The following CCDC180 variants were observed in gnomAD, a reference collection of about 807,000 sequenced individuals.
CCDC180 encodes the protein coiled-coil domain-containing protein 180.
Under a neutral mutation model 209.2 loss-of-function variants are expected in CCDC180, and 154 were observed. The ratio of observed to expected loss-of-function variants is 0.74; its 90% CI spans 0.65 to 0.84. The LOEUF (loss-of-function observed/expected upper bound fraction) is 0.84, where lower values mean the gene tolerates loss of function less well. Ranked by LOEUF, CCDC180 falls within the 40% of genes least tolerant of loss-of-function variation. CCDC180 has a pLI of 0.00. For synonymous variants in CCDC180, 778 were observed against 749.1 expected, an observed-to-expected ratio of 1.04 and a Z score of -0.63; for missense variants, 1,874 against 1,997.3, an observed-to-expected ratio of 0.94 and a Z score of 1.18.
intron 18 of CCDC180, among the ~76,000 whole-genome samples, chr9:97,334,738 T>A (rs1320803455): frequency 6.6e-6 from 1 of 152,194 alleles, no homozygotes; most frequent in Admixed American, 6.5e-5. Context: ...ATAGTTTTCA[T>A]TGAGAATATG....
chr9:97,326,840 G>A (rs1223244490), intron 15 of CCDC180, among the ~76,000 whole-genome samples, 171 bp downstream of exon 15: 1 of 152,186 alleles, frequency 6.6e-6, no homozygotes, highest in Non-Finnish European at 1.5e-5. Context: ...CAACAAAGAA[G>A]CTTCCAGGGA....
chr9:97,309,925 G>A (rs550898023), intron 3 of CCDC180, among the ~76,000 whole-genome samples: 1 of 152,310 alleles, frequency 6.6e-6, no homozygotes, highest in South Asian at 2.1e-4. Flanking sequence ...AAGGGGATGG[G>A]GCTATGGGAC....
At chr9:97,375,401 A>C in intron 35 of CCDC180, 53 bp from the exon 36 acceptor site, 2 of 1,609,390 alleles carry the variant, frequency 1.2e-6, no homozygotes, top group Non-Finnish European at 1.7e-6. Flanking sequence ...TGGTAGGTGG[A>C]TTATGAAAGA....
intron 14 of CCDC180, among the ~76,000 whole-genome samples, chr9:97,325,812 C>T (rs1307040300): frequency 2.0e-5 from 3 of 152,224 alleles, no homozygotes; most frequent in African/African-American, 4.8e-5. Flanking sequence ...AGCTCTCTCT[C>T]ATTCAAAGAA....
chr9:97,308,139 G>C lies in CCDC180; in HGVS notation c.69+7G>C, dbSNP rs377586546. ...GCAGATCTTCCAGGCTGAGGTAGGA[G>C]CCGCCCTCTGTCCCGCTTTTCTCCA... On this transcript the variant is annotated splice_region_variant and intron_variant, in intron 2 of 36. Transcript: ENST00000529487. 4.4e-6 allele frequency: 7 copies of C among 1,588,268 alleles called. No individual in the cohort carries two copies. The highest frequency in any genetic ancestry group is 3.5e-5 in the South Asian group (3 of 86,624).
intron 1 of CCDC180, 60 bp downstream of exon 1, chr9:97,307,866 C>T (rs971241081): frequency 3.7e-6 from 6 of 1,603,296 alleles, no homozygotes; most frequent in Non-Finnish European, 5.1e-6. Flanking sequence ...CAGCCGCCTA[C>T]CCCCCAGCAG....
At chr9:97,338,120 A>G (rs1448865034) in intron 18 of CCDC180, among the ~76,000 whole-genome samples, 2 of 152,074 alleles carry the variant, frequency 1.3e-5, no homozygotes, top group Non-Finnish European at 1.5e-5. Flanking sequence ...CAGCTCCTGG[A>G]TGCATTGATT....
intron 21 of CCDC180, 141 bp from the exon 22 acceptor site, chr9:97,350,268 C>A: frequency 1.3e-6 from 1 of 761,482 alleles, no homozygotes; most frequent in Non-Finnish European, 2.1e-6. Flanking sequence ...CACCACCTGT[C>A]CCTCCTGTGT....
chr9:97,347,579 A>G, intron 20 of CCDC180, 90 bp downstream of exon 20: 4 of 1,233,874 alleles, frequency 3.2e-6, no homozygotes, highest in Non-Finnish European at 4.5e-6. Context: ...TAGCTGCCCC[A>G]GTTTGTACCA....
At chr9:97,323,463 G>A (rs183797016) in intron 12 of CCDC180, among the ~76,000 whole-genome samples, 18 of 152,306 alleles carry the variant, frequency 1.2e-4, no homozygotes, top group South Asian at 4.1e-4. Flanking sequence ...TGGGTTAGGG[G>A]AACTATTGAG....
chr9:97,361,339 T>C (rs1450754931), intron 26 of CCDC180, among the ~76,000 whole-genome samples: 1 of 152,232 alleles, frequency 6.6e-6, no homozygotes, highest in Non-Finnish European at 1.5e-5. Context: ...AACTTTTCTT[T>C]CACAGCACTG....
chr9:97,313,035 C>G (rs1833041896), intron 4 of CCDC180, among the ~76,000 whole-genome samples: 1 of 152,070 alleles, frequency 6.6e-6, no homozygotes, highest in South Asian at 2.1e-4. Context: ...CAGCTCTTAA[C>G]TGTATATCTG....
chr9:97,354,129 T>C (rs1826499319), intron 22 of CCDC180, among the ~76,000 whole-genome samples: 1 of 151,826 alleles, frequency 6.6e-6, no homozygotes, highest in South Asian at 2.1e-4. Context: ...TCCCAAGTAG[T>C]TGGAATCACA....
rs879083444 is a variant in CCDC180 at position 97,322,683 on chromosome 9, G to C, written c.1160-150G>C. ...TGGGATGTCAGGAACTTTGTAAGGG[G>C]ACCCCAGCCCCTGATCTCAATCGGG... On this transcript the variant is annotated intron_variant, in intron 11 of 36. Coordinates refer to ENST00000529487, the MANE Select transcript of CCDC180 (RefSeq NM_020893.6). 2.2e-5 allele frequency: 14 copies of C among 647,530 alleles called. No individual in the cohort carries two copies. The South Asian group carries it at 2.4e-4, about 11-fold the overall frequency. The allele number at this position is 647,530 out of a possible 1,614,324, so 40.1% of individuals were successfully genotyped here. A position where few individuals can be genotyped will look rare whatever the true frequency, so the allele number is the denominator to read the frequency against.
chr9:97,363,589 C>T (rs1172107070), intron 28 of CCDC180: 1 of 532,324 alleles, frequency 1.9e-6, no homozygotes, highest in Non-Finnish European at 3.9e-6. Flanking sequence ...TCAACACCAC[C>T]TAATTTTTTA....
Position 97,361,758 on chromosome 9 carries a change from T to G in CCDC180, c.3516T>G (p.Ser1172Arg). 2 of 1,614,106 alleles carry G rather than the reference T, an allele frequency of 1.2e-6. No homozygotes were observed. The highest frequency in any genetic ancestry group is 1.7e-6 in the Non-Finnish European group (2 of 1,180,000). ...NTILKDQEEDSDILTSSEALE... is the reference protein window; with the variant it reads ...NTILKDQEEDRDILTSSEALE... The stretch of plus-strand genomic sequence containing the variant: ...TCCTGAAGGACCAGGAGGAAGACAG[T>G]GACATCCTGACATCTTCAGAAGCCC... The change falls in exon 27 of 37, where the codon AGT becomes AGG. Residue 1172 changes from serine (S) to arginine (R), a missense_variant. By Grantham distance (110) the Ser-to-Arg change is moderately radical. Coordinates refer to ENST00000529487, the MANE Select transcript of CCDC180 (RefSeq NM_020893.6).
chr9:97,310,510 A>G (rs1225477825), intron 3 of CCDC180, among the ~76,000 whole-genome samples: 1 of 152,166 alleles, frequency 6.6e-6, no homozygotes, highest in Non-Finnish European at 1.5e-5. Context: ...TCTGACTGTC[A>G]GCTATGGGGA....
intron 23 of CCDC180, 30 bp from the exon 24 acceptor site, chr9:97,354,862 C>A: frequency 6.3e-7 from 1 of 1,578,096 alleles, no homozygotes; most frequent in East Asian, 2.2e-5. Context: ...AATTAAGCCC[C>A]TGTCCTTTAC....
chr9:97,353,171 A>G (rs1826473595), intron 22 of CCDC180, among the ~76,000 whole-genome samples: 1 of 151,834 alleles, frequency 6.6e-6, no homozygotes, highest in Non-Finnish European at 1.5e-5. Flanking sequence ...TAATTTTTGT[A>G]TTTTTAGTAG....
Sources: allele counts gnomAD v4.1 joint callset (sites outside exome capture counted in the v4.1 genomes callset), GRCh38; gene constraint gnomAD v4.1.1; transcripts MANE v1.5; gene names NCBI Gene and HGNC (gene_info 2026-07-23, HGNC 2026-07-21).